Variants in SAMD12 observed in about 807,000 individuals in gnomAD.
SAMD12 encodes sterile alpha motif domain-containing protein 12.
Under a neutral mutation model 15.0 loss-of-function variants are expected in SAMD12, and 9 were observed. The ratio of observed to expected loss-of-function variants is 0.60; its 90% CI spans 0.36 to 1.05. The LOEUF (loss-of-function observed/expected upper bound fraction) is 1.05, where lower values mean the gene tolerates loss of function less well. Among genes scored for constraint, SAMD12 ranks in the 50% least tolerant of loss-of-function variants. The probability of loss-of-function intolerance (pLI) is 0.01; values close to 1 mark genes in which losing one functional copy is unlikely to be tolerated. For missense variants in SAMD12, 230 were observed against 234.2 expected, an observed-to-expected ratio of 0.98 and a Z score of 0.12; for synonymous variants, 86 against 90.1, an observed-to-expected ratio of 0.96 and a Z score of 0.25.
intron 4 of SAMD12, chr8:118,284,926 A>AG (rs1813882252): frequency 6.9e-6 from 1 of 144,634 alleles, no homozygotes; most frequent in Non-Finnish European, 1.5e-5. Context: ...TGGGTGACAC[A>AG]GCAAGACTCC....
chr8:118,431,089 GTT>G (rs1822390408), intron 3 of SAMD12, among the ~76,000 whole-genome samples: 1 of 151,978 alleles, frequency 6.6e-6, no homozygotes, highest in African/African-American at 2.4e-5. Flanking sequence ...AACAATATAC[GTT>G]TTTAAGTAAT....
chr8:118,507,339 C>T (rs897208028), intron 2 of SAMD12, among the ~76,000 whole-genome samples: 2 of 152,086 alleles, frequency 1.3e-5, no homozygotes, highest in Non-Finnish European at 2.9e-5. Context: ...ATTATAATCA[C>T]CTGTATATAT....
At chr8:118,159,714 T>C in the SAMD12 span, among the ~76,000 whole-genome samples, 44,970 of 85,172 alleles carry the variant, frequency 0.53, 6,708 homozygotes, top group Admixed American at 0.57. Context: ...TTTTTCTTTT[T>C]TTTTCTTTTT....
the SAMD12 span, among the ~76,000 whole-genome samples, chr8:118,154,724 C>G: frequency 6.6e-6 from 1 of 152,056 alleles, no homozygotes; most frequent in African/African-American, 2.4e-5. Flanking sequence ...CATCCTATGG[C>G]CCAGCACTGC....
At chr8:118,550,981 A>G (rs1826313693) in intron 2 of SAMD12, among the ~76,000 whole-genome samples, 1 of 151,968 alleles carries the variant, frequency 6.6e-6, no homozygotes, top group Admixed American at 6.5e-5. Context: ...AGAGCTAACT[A>G]TCCTAAATAT....
intron 2 of SAMD12, among the ~76,000 whole-genome samples, chr8:118,542,763 G>A (rs1328000094): frequency 6.6e-6 from 1 of 152,134 alleles, no homozygotes; most frequent in Non-Finnish European, 1.5e-5. Context: ...TCTATTTTGA[G>A]GAATGATTCA....
chr8:118,187,587 T>G (rs1819262836), downstream of SAMD12, among the ~76,000 whole-genome samples: 2 of 152,326 alleles, frequency 1.3e-5, no homozygotes, highest in South Asian at 4.1e-4. Flanking sequence ...CAACTGAACT[T>G]CTCACAGACA....
chr8:118,141,229 G>A, the SAMD12 span, among the ~76,000 whole-genome samples: 1 of 152,176 alleles, frequency 6.6e-6, no homozygotes, highest in Non-Finnish European at 1.5e-5. Flanking sequence ...GAGTTCAGTA[G>A]CCCTTTGTTC....
chr8:118,313,225 A>G (rs1300205263), intron 4 of SAMD12, among the ~76,000 whole-genome samples: 1 of 152,226 alleles, frequency 6.6e-6, no homozygotes, highest in Non-Finnish European at 1.5e-5. Flanking sequence ...AATATAAGCC[A>G]CGTTATGCCC....
chr8:118,596,729 C>A (rs1827733764), intron 1 of SAMD12, among the ~76,000 whole-genome samples: 1 of 152,182 alleles, frequency 6.6e-6, no homozygotes, highest in South Asian at 2.1e-4. Flanking sequence ...TTTTTCCCTC[C>A]TGAATACCTT....
At chr8:118,585,595 C>T (rs980951845) in intron 1 of SAMD12, among the ~76,000 whole-genome samples, 4 of 152,002 alleles carry the variant, frequency 2.6e-5, no homozygotes, top group South Asian at 2.1e-4. Context: ...ATAATATCAT[C>T]GTGATTTTCA....
At chr8:118,232,264 T>C (rs887690446) in intron 4 of SAMD12, among the ~76,000 whole-genome samples, 1 of 152,108 alleles carries the variant, frequency 6.6e-6, no homozygotes, top group Non-Finnish European at 1.5e-5. Flanking sequence ...TAGAAACACA[T>C]AACAGGGGCA....
At chr8:118,408,045 C>G (rs1193770451) in intron 3 of SAMD12, among the ~76,000 whole-genome samples, 2 of 152,126 alleles carry the variant, frequency 1.3e-5, no homozygotes, top group African/African-American at 2.4e-5. Flanking sequence ...TCCAGCTAAT[C>G]CTGTCCTTTC....
intron 4 of SAMD12, among the ~76,000 whole-genome samples, chr8:118,246,983 G>T (rs1174495190): frequency 6.6e-6 from 1 of 152,112 alleles, no homozygotes; most frequent in African/African-American, 2.4e-5. Context: ...TAGGTGAAAA[G>T]GAGACAAAGT....
intron 2 of SAMD12, among the ~76,000 whole-genome samples, chr8:118,567,138 G>A (rs1586824104): frequency 1.3e-5 from 2 of 152,228 alleles, no homozygotes; most frequent in Middle Eastern, 3.4e-3. Context: ...CTCTCATGAG[G>A]TAGATAGTAT....
At chr8:118,355,867 T>C (rs184520410) in intron 4 of SAMD12, among the ~76,000 whole-genome samples, 2 of 152,344 alleles carry the variant, frequency 1.3e-5, no homozygotes, top group African/African-American at 4.8e-5. Flanking sequence ...GTGATTCTGG[T>C]TGACAAAAAA....
At chr8:118,599,791 T>C (rs1827814476) in intron 1 of SAMD12, among the ~76,000 whole-genome samples, 1 of 152,046 alleles carries the variant, frequency 6.6e-6, no homozygotes, top group Admixed American at 6.5e-5. Flanking sequence ...TTGTTCTCTC[T>C]CCCACCATAT....
chr8:118,515,705 C>T (rs981403077), intron 2 of SAMD12, among the ~76,000 whole-genome samples: 1 of 152,142 alleles, frequency 6.6e-6, no homozygotes, highest in Non-Finnish European at 1.5e-5. Context: ...TTTTCAATCC[C>T]AACCTTTCCC....
rs142941004 is a variant in SAMD12 at position 118,552,627 on chromosome 8, G to A, written c.192+28088C>T. The stretch of plus-strand genomic sequence containing the variant: ...TCCCTTTGAAAACTGGCACAAGACA[G>A]GGATGCCCTCTCTCACCACTCCTAT... On this transcript the variant is annotated intron_variant, in intron 2 of 3. Coordinates refer to ENST00000314727, the MANE Select transcript of SAMD12 (RefSeq NM_207506.3). Among the ~76,000 whole-genome samples the A allele has an allele frequency of 2.3e-3, 345 of 152,312 alleles. 1 individual carries two copies. The highest frequency in any genetic ancestry group is 4.2e-3 in the Non-Finnish European group (285 of 68,022).
Sources: gnomAD v4.1 joint callset for allele counts (sites outside exome capture counted in the v4.1 genomes callset) on GRCh38, gnomAD v4.1.1 for gene constraint, MANE v1.5 for transcripts, NCBI Gene and HGNC (gene_info 2026-07-23, HGNC 2026-07-21) for gene names.